HECW2: variants seen among roughly 807,000 people sequenced by gnomAD.
The protein encoded by HECW2 is HECT, C2 and WW domain containing E3 ubiquitin protein ligase 2.
In HECW2, 61 loss-of-function variants were observed where a neutral mutation model predicts 175.2. The ratio of observed to expected loss-of-function variants is 0.35; its 90% CI spans 0.28 to 0.43. The LOEUF (loss-of-function observed/expected upper bound fraction) is 0.43, where lower values mean the gene tolerates loss of function less well. Ranked by LOEUF, HECW2 falls within the 20% of genes least tolerant of loss-of-function variation. The pLI, the probability that HECW2 is intolerant of heterozygous loss-of-function variation, is 1.00. For synonymous variants in HECW2, 671 were observed against 731.0 expected, an observed-to-expected ratio of 0.92 and a Z score of 1.32; for missense variants, 1,524 against 2,000.5, an observed-to-expected ratio of 0.76 and a Z score of 4.54.
At chr2:196,476,459 G>C (rs1429868278) in intron 1 of HECW2, among the ~76,000 whole-genome samples, 1 of 144,972 alleles carries the variant, frequency 6.9e-6, no homozygotes, top group African/African-American at 2.5e-5. Context: ...AAAAAAAAAA[G>C]GCAGGCGACA....
intron 15 of HECW2, among the ~76,000 whole-genome samples, chr2:196,278,118 A>T (rs1257295288): frequency 1.6e-5 from 2 of 127,242 alleles, no homozygotes; most frequent in African/African-American, 5.3e-5. Context: ...CCTAGAACTT[A>T]AAGTATAATT....
chr2:196,576,908 A>T (rs1445123152), intron 1 of HECW2, among the ~76,000 whole-genome samples: 1 of 152,226 alleles, frequency 6.6e-6, no homozygotes, highest in Non-Finnish European at 1.5e-5. Context: ...AATAAAAATA[A>T]ACCATTGGAT....
At chr2:196,437,284 G>C (rs1489594157) in intron 1 of HECW2, among the ~76,000 whole-genome samples, 1 of 151,976 alleles carries the variant, frequency 6.6e-6, no homozygotes. Context: ...AGTTTCCACA[G>C]AACCCGGTGA....
rs572817624 is a variant in HECW2, at chr2:196,202,739, A to G, written c.4608-1351T>C. ...AGGTGTGTGGCCACATGGCTTATTA[A>G]AAACAGGAATGTGAACAGGATCTGT... is the stretch of plus-strand genomic sequence containing the variant. On this transcript the variant is annotated intron_variant, in intron 28 of 28. Transcript: ENST00000644978. 3.3e-5 allele frequency among the ~76,000 whole-genome samples: 5 copies of G among 152,334 alleles called. No homozygotes were observed. The East Asian group carries it at 7.7e-4, about 23-fold the overall frequency.
intron 2 of HECW2, among the ~76,000 whole-genome samples, chr2:196,368,799 CCA>C (rs1693827072): frequency 6.6e-6 from 1 of 152,028 alleles, no homozygotes; most frequent in African/African-American, 2.4e-5. Context: ...ATTTCCAACT[CCA>C]GAGTTTCTGC....
chr2:196,450,040 G>A (rs899128247), intron 1 of HECW2, among the ~76,000 whole-genome samples: 2 of 152,316 alleles, frequency 1.3e-5, no homozygotes, highest in Non-Finnish European at 2.9e-5. Context: ...CCTTGGTGGT[G>A]TGCCAGGCTG....
intron 28 of HECW2, among the ~76,000 whole-genome samples, chr2:196,204,686 T>C (rs1288199156): frequency 6.6e-6 from 1 of 152,234 alleles, no homozygotes; most frequent in African/African-American, 2.4e-5. Context: ...TGTTTTACAC[T>C]GCTAAATTTG....
chr2:196,370,288 C>T (rs1262489375), intron 2 of HECW2, among the ~76,000 whole-genome samples: 1 of 152,148 alleles, frequency 6.6e-6, no homozygotes, highest in Non-Finnish European at 1.5e-5. Context: ...GAGTTCCCTT[C>T]TGGCCCAGGC....
intron 2 of HECW2, among the ~76,000 whole-genome samples, chr2:196,403,657 C>G (rs1694881000): frequency 6.6e-6 from 1 of 152,184 alleles, no homozygotes; most frequent in Admixed American, 6.5e-5. Flanking sequence ...CTTAAAAGCT[C>G]TCAAGGAAAT....
At chr2:196,584,745 C>T (rs1257249256) in intron 1 of HECW2, among the ~76,000 whole-genome samples, 1 of 152,102 alleles carries the variant, frequency 6.6e-6, no homozygotes, top group East Asian at 1.9e-4. Context: ...TATCCTCATC[C>T]TTCTTATATA....
At chr2:196,291,156 T>C (rs1690589200) in intron 14 of HECW2, 1 of 151,980 alleles carries the variant, frequency 6.6e-6, no homozygotes, top group African/African-American at 2.4e-5. Flanking sequence ...AGAGGGAACT[T>C]TGGGGGGTAA....
At chr2:196,591,352 G>A (rs1374683508) in intron 1 of HECW2, among the ~76,000 whole-genome samples, 1 of 152,256 alleles carries the variant, frequency 6.6e-6, no homozygotes, top group African/African-American at 2.4e-5. Context: ...GCCAGAAGAC[G>A]GTTTGAGTCC....
chr2:196,474,720 C>T (rs973936860), intron 1 of HECW2, among the ~76,000 whole-genome samples: 2 of 152,118 alleles, frequency 1.3e-5, no homozygotes, highest in African/African-American at 4.8e-5. Flanking sequence ...CCATTGCCAT[C>T]TTTTTTTAGG....
intron 1 of HECW2, among the ~76,000 whole-genome samples, chr2:196,574,033 A>G (rs2125518181): frequency 6.6e-6 from 1 of 152,232 alleles, no homozygotes. Context: ...AAGTTCCAGG[A>G]TACAAAATCA....
intron 1 of HECW2, among the ~76,000 whole-genome samples, chr2:196,466,745 G>C (rs1696970460): frequency 6.6e-6 from 1 of 152,188 alleles, no homozygotes; most frequent in African/African-American, 2.4e-5. Context: ...GGGAATTACT[G>C]AATAGGCAGA....
chr2:196,432,982 C>T lies in HECW2; in HGVS notation c.292+150G>A, dbSNP rs78143488. Reference sequence around the variant, plus strand: ...AAATGTACTGTTGAATCTCCTCCTCCCAAAGAAGAAAAAAAATAAATTCCC... The same window carrying T: ...AAATGTACTGTTGAATCTCCTCCTCTCAAAGAAGAAAAAAAATAAATTCCC... On this transcript the variant is annotated intron_variant, in intron 2 of 28. Coordinates refer to ENST00000644978, the MANE Select transcript of HECW2 (RefSeq NM_001348768.2). The T allele has an allele frequency of 1.3e-4, 87 of 687,552 alleles. No homozygotes were observed. The African/African-American group carries it at 1.4e-3, about 11-fold the overall frequency. 42.6% of individuals were successfully genotyped at this position (687,552 alleles called of 1,614,324 possible).
At chr2:196,578,812 AG>A (rs1690656795) in intron 1 of HECW2, among the ~76,000 whole-genome samples, 1 of 152,200 alleles carries the variant, frequency 6.6e-6, no homozygotes, top group African/African-American at 2.4e-5. Context: ...AAAACTTGAG[AG>A]AATCTGTCAC....
chr2:196,250,775 C>G (rs1688824858), intron 19 of HECW2, among the ~76,000 whole-genome samples: 1 of 152,128 alleles, frequency 6.6e-6, no homozygotes, highest in South Asian at 2.1e-4. Context: ...CGTCCTGTGT[C>G]CTCTGCACAT....
rs1686776410 is a variant in HECW2 at position 196,199,103 on chromosome 2, T to C, written c.*2174A>G. The C allele has an allele frequency of 6.6e-6, 1 of 152,618 alleles. No individual in the cohort carries two copies. The highest frequency in any genetic ancestry group is 2.4e-5 in the African/African-American group (1 of 41,460). 9.5% of individuals were successfully genotyped at this position (152,618 alleles called of 1,614,324 possible). A position where few individuals can be genotyped will look rare whatever the true frequency, so the allele number is the denominator to read the frequency against. On this transcript the variant is annotated 3_prime_UTR_variant, in exon 29 of 29. Transcript: ENST00000644978. ...AATGAAGGATAACATGGTCTTTGAA[T>C]GTATTTTTGAAAGAAATGCAACCTT...
Sources: allele counts gnomAD v4.1 joint callset (sites outside exome capture counted in the v4.1 genomes callset), GRCh38; gene constraint gnomAD v4.1.1; transcripts MANE v1.5; gene names NCBI Gene and HGNC (gene_info 2026-07-23, HGNC 2026-07-21).